Variants in CHODL observed in about 807,000 individuals in gnomAD.
CHODL encodes transmembrane protein MT75.
CHODL carries 29 observed loss-of-function variants against 34.5 expected under a neutral mutation model. The observed-to-expected ratio is 0.84, with a 90% CI of 0.63 to 1.15. The LOEUF (loss-of-function observed/expected upper bound fraction) is 1.15. CHODL is among the 50% of genes most tolerant of loss of function. CHODL has a pLI of 0.00. For missense variants in CHODL, 332 were observed against 332.5 expected (o/e 1.00, Z 0.01); for synonymous variants, 125 against 116.1 (o/e 1.08, Z -0.49).
intron 1 of CHODL, among the ~76,000 whole-genome samples, chr21:17,941,892 C>T (rs1278558680): frequency 1.3e-5 from 2 of 151,878 alleles, no homozygotes; most frequent in African/African-American, 4.9e-5. Context: ...CTAGCTGCAC[C>T]TTTACATTGG....
At chr21:18,197,171 T>G (rs2146702486) in intron 2 of CHODL, among the ~76,000 whole-genome samples, 1 of 152,320 alleles carries the variant, frequency 6.6e-6, no homozygotes, top group South Asian at 2.1e-4. Context: ...TGTGTGCTTT[T>G]ATAAATATAA....
intron 2 of CHODL, among the ~76,000 whole-genome samples, chr21:18,090,294 T>C (rs1035463444): frequency 6.6e-6 from 1 of 152,198 alleles, no homozygotes; most frequent in African/African-American, 2.4e-5. Context: ...GTGGATAATA[T>C]GTCTTTTGTC....
At chr21:17,963,040 A>G (rs1355608345) in intron 1 of CHODL, among the ~76,000 whole-genome samples, 3 of 147,940 alleles carry the variant, frequency 2.0e-5, no homozygotes, top group African/African-American at 7.6e-5. Flanking sequence ...CTCCAGCCTG[A>G]GTGAAAGAGC....
At chr21:18,119,459 G>T (rs1488430442) in intron 2 of CHODL, among the ~76,000 whole-genome samples, 1 of 152,076 alleles carries the variant, frequency 6.6e-6, no homozygotes, top group Admixed American at 6.6e-5. Context: ...GCTAACCGTG[G>T]GAGAAAGAAA....
At chr21:17,926,635 C>T (rs888173097) in intron 1 of CHODL, among the ~76,000 whole-genome samples, 15 of 152,096 alleles carry the variant, frequency 9.9e-5, no homozygotes, top group African/African-American at 3.4e-4. Context: ...GTGATACTCA[C>T]TCACTGTCAC....
At chr21:18,265,245 ATG>A in intron 5 of CHODL, among the ~76,000 whole-genome samples, 1 of 143,826 alleles carries the variant, frequency 7.0e-6, no homozygotes, top group African/African-American at 2.7e-5. Flanking sequence ...GTATATATAT[ATG>A]TGTATATATA....
At chr21:18,151,933 A>G (rs992737096) in intron 2 of CHODL, among the ~76,000 whole-genome samples, 1 of 151,900 alleles carries the variant, frequency 6.6e-6, no homozygotes, top group Admixed American at 6.6e-5. Flanking sequence ...TAGGATTTTA[A>G]CATGTGGTTT....
chr21:18,167,977 C>T (rs2073178350), intron 2 of CHODL, among the ~76,000 whole-genome samples: 1 of 152,200 alleles, frequency 6.6e-6, no homozygotes, highest in Non-Finnish European at 1.5e-5. Flanking sequence ...AGGATAAAAG[C>T]AGGCAGAGGA....
chr21:18,086,776 A>G (rs2065012725), intron 2 of CHODL, among the ~76,000 whole-genome samples: 1 of 152,184 alleles, frequency 6.6e-6, no homozygotes, highest in Non-Finnish European at 1.5e-5. Context: ...CCAGAGCAGC[A>G]ACCACTAACA....
At chr21:18,099,005 A>G (rs2065176801) in intron 2 of CHODL, among the ~76,000 whole-genome samples, 1 of 152,108 alleles carries the variant, frequency 6.6e-6, no homozygotes, top group Non-Finnish European at 1.5e-5. Flanking sequence ...ATTCTCACAT[A>G]TTTGTGGGTT....
At chr21:18,055,810 A>C (rs2064572797) in intron 2 of CHODL, among the ~76,000 whole-genome samples, 1 of 152,046 alleles carries the variant, frequency 6.6e-6, no homozygotes, top group South Asian at 2.1e-4. Flanking sequence ...GAGAGTAGAA[A>C]TTTTATAGAA....
At chr21:18,223,684 C>T (rs2073905053) in intron 2 of CHODL, among the ~76,000 whole-genome samples, 1 of 152,072 alleles carries the variant, frequency 6.6e-6, no homozygotes, top group South Asian at 2.1e-4. Context: ...ACCTCAAACC[C>T]ACCAGCACCA....
intron 2 of CHODL, among the ~76,000 whole-genome samples, chr21:18,104,185 A>G (rs371436436): frequency 5.3e-5 from 8 of 152,212 alleles, no homozygotes; most frequent in Non-Finnish European, 1.2e-4. Flanking sequence ...GGGTTTATGC[A>G]TGGTATGGTT....
At chr21:18,167,332 C>T (rs1487877477) in intron 2 of CHODL, among the ~76,000 whole-genome samples, 13 of 97,488 alleles carry the variant, frequency 1.3e-4, no homozygotes, top group East Asian at 1.2e-3. Context: ...TTTTTTGAGA[C>T]GGAGTCTTGC....
chr21:18,013,749 C>G (rs1402413967), intron 1 of CHODL, among the ~76,000 whole-genome samples: 1 of 149,408 alleles, frequency 6.7e-6, no homozygotes, highest in South Asian at 2.2e-4. Flanking sequence ...ATTCTCCTCT[C>G]TCAGCCTCCT....
At chr21:18,244,661 A>G (rs185070945), upstream of CHODL, among the ~76,000 whole-genome samples, 1 of 152,302 alleles carries the variant, frequency 6.6e-6, no homozygotes, top group African/African-American at 2.4e-5. Context: ...GGAGGGGACC[A>G]GAGGAGGCGG....
At chr21:18,173,247 A>G (rs2073253289) in intron 2 of CHODL, among the ~76,000 whole-genome samples, 1 of 152,166 alleles carries the variant, frequency 6.6e-6, no homozygotes, top group South Asian at 2.1e-4. Context: ...TTAACACGAT[A>G]TGATCACAGG....
intron 2 of CHODL, among the ~76,000 whole-genome samples, chr21:18,214,359 A>G (rs2073802697): frequency 6.6e-6 from 1 of 151,980 alleles, no homozygotes; most frequent in Non-Finnish European, 1.5e-5. Flanking sequence ...TTTGTTCCAT[A>G]TTTTTCCTAC....
intron 2 of CHODL, among the ~76,000 whole-genome samples, chr21:18,198,364 TC>T (rs1163512631): frequency 1.3e-5 from 2 of 152,196 alleles, no homozygotes; most frequent in Non-Finnish European, 2.9e-5. Context: ...TTGTACTTTT[TC>T]CTCCTTTGTG....
Sources: allele counts gnomAD v4.1 joint callset (sites outside exome capture counted in the v4.1 genomes callset), GRCh38; gene constraint gnomAD v4.1.1; transcripts MANE v1.5; gene names NCBI Gene and HGNC (gene_info 2026-07-23, HGNC 2026-07-21).